CEP57: variants seen among roughly 807,000 people sequenced by gnomAD.
The protein encoded by CEP57 is centrosomal protein 57.
A neutral mutation model predicts 68.0 loss-of-function variants in CEP57; 40 were observed. The observed-to-expected ratio is 0.59, with a 90% CI of 0.46 to 0.77. The LOEUF (loss-of-function observed/expected upper bound fraction) is 0.77. Ranked by LOEUF, CEP57 falls within the 30% of genes least tolerant of loss-of-function variation. CEP57 has a pLI of 0.00. For synonymous variants in CEP57, 219 were observed against 198.7 expected (o/e 1.10, Z -0.86); for missense variants, 606 against 580.7 (o/e 1.04, Z -0.45).
chr11:95,807,528 C>T (rs1375376315), intron 2 of CEP57, among the ~76,000 whole-genome samples: 2 of 152,142 alleles, frequency 1.3e-5, no homozygotes, highest in Non-Finnish European at 2.9e-5. Context: ...CCTTAAATGA[C>T]CTGATGGAGC....
At chr11:95,818,078 TTGG>T (rs970374218) in intron 5 of CEP57, 175 bp downstream of exon 5, 20 of 593,178 alleles carry the variant, frequency 3.4e-5, no homozygotes, top group Non-Finnish European at 4.8e-5. Context: ...TTTTACAATC[TTGG>T]TGGGCATTTT....
chr11:95,810,301 T>C (rs1861998524), intron 2 of CEP57, among the ~76,000 whole-genome samples: 2 of 152,336 alleles, frequency 1.3e-5, no homozygotes, highest in African/African-American at 2.4e-5. Context: ...AAGACAGGGA[T>C]GCCGTCTCTC....
intron 8 of CEP57, among the ~76,000 whole-genome samples, chr11:95,824,760 T>C (rs1862667926): frequency 6.6e-6 from 1 of 152,220 alleles, no homozygotes; most frequent in African/African-American, 2.4e-5. Flanking sequence ...CTAAATCTAC[T>C]ATTTTGTGAA....
chr11:95,803,072 C>T (rs1360846512), intron 2 of CEP57, among the ~76,000 whole-genome samples: 2 of 152,004 alleles, frequency 1.3e-5, no homozygotes, highest in African/African-American at 4.8e-5. Context: ...AGAAGTAAGT[C>T]TAAACTGAAG....
At chr11:95,823,769 G>A (rs1338591239) in intron 8 of CEP57, among the ~76,000 whole-genome samples, 2 of 152,192 alleles carry the variant, frequency 1.3e-5, no homozygotes, top group East Asian at 1.9e-4. Context: ...AAAATGCCAC[G>A]TGACGCTAAT....
At position 95,813,348 on chromosome 11, in the gene CEP57, C is replaced by T. The variant is rs193023002; in HGVS notation, c.383-120C>T. On this transcript the variant is annotated intron_variant, in intron 3 of 10. Transcript: ENST00000325542. The stretch of plus-strand genomic sequence containing the variant: ...GAATGATTTAGGTAATCTGAAAAGG[C>T]GTCCAGGTCTGTGGAAGGTGTTTTT... 1.2e-3 allele frequency: 1,444 copies of T among 1,228,340 alleles called. 1 individual carries two copies. Among genetic ancestry groups the T allele is most frequent in the Non-Finnish European group, 1.4e-3 (1,226 of 875,274 alleles). 76.1% of individuals were successfully genotyped at this position (1,228,340 alleles called of 1,614,324 possible).
chr11:95,799,114 CAG>C, intron 1 of CEP57, 116 bp from the exon 2 acceptor site: 3 of 936,576 alleles, frequency 3.2e-6, no homozygotes, highest in Non-Finnish European at 5.1e-6. Context: ...TGTTTCTAGT[CAG>C]TGGATTTTTT....
chr11:95,805,556 A>G (rs534225748), intron 2 of CEP57, among the ~76,000 whole-genome samples: 2 of 152,364 alleles, frequency 1.3e-5, no homozygotes, highest in East Asian at 3.9e-4. Context: ...GGACAAGAAT[A>G]CTTTGGGTTG....
intron 8 of CEP57, among the ~76,000 whole-genome samples, chr11:95,823,963 C>T (rs183672073): frequency 1.3e-5 from 2 of 150,836 alleles, no homozygotes; most frequent in Admixed American, 6.6e-5. Flanking sequence ...AGACAAAAGT[C>T]ATGACATGAC....
chr11:95,802,703 T>G (rs765685302), intron 2 of CEP57, among the ~76,000 whole-genome samples: 8 of 152,196 alleles, frequency 5.3e-5, no homozygotes, highest in Non-Finnish European at 1.2e-4. Context: ...TACCCAACAT[T>G]GCTTTTGCAT....
At chr11:95,811,679 T>C (rs554736637) in intron 2 of CEP57, among the ~76,000 whole-genome samples, 108 of 149,932 alleles carry the variant, frequency 7.2e-4, no homozygotes, top group Admixed American at 1.3e-3. Flanking sequence ...GATAATAAAA[T>C]GAAGAAAACT....
rs113246058 is a variant in CEP57, at chr11:95,817,223, C to T, written c.505-564C>T. Among the ~76,000 whole-genome samples, 806 of 148,526 alleles carry T rather than the reference C, an allele frequency of 5.4e-3. 6 individuals are homozygous for T. The highest frequency in any genetic ancestry group is 8.4e-3 in the Non-Finnish European group (558 of 66,814). On this transcript the variant is annotated intron_variant, in intron 4 of 10. Transcript: ENST00000325542. ...ACTACTAAAAATACAAAAAATTAGCCGGGCGTGGTGGCGGGCGCCTATAGT... is the reference window on the plus strand; with the variant it reads ...ACTACTAAAAATACAAAAAATTAGCTGGGCGTGGTGGCGGGCGCCTATAGT...
chr11:95,799,867 A>G (rs949247834), intron 2 of CEP57, among the ~76,000 whole-genome samples: 1 of 152,154 alleles, frequency 6.6e-6, no homozygotes, highest in African/African-American at 2.4e-5. Flanking sequence ...AAGCTTTAGC[A>G]TCTCTTCATA....
Position 95,827,861 on chromosome 11 carries a change from T to A in CEP57, c.961T>A (p.Leu321Met), listed in dbSNP as rs1421846585. The A allele has an allele frequency of 6.2e-7, 1 of 1,613,980 alleles. No individual in the cohort carries two copies. Among genetic ancestry groups the A allele is most frequent in the Non-Finnish European group, 8.5e-7 (1 of 1,180,012 alleles). Residue 321 changes from leucine to methionine, a missense_variant, in exon 9 of 11, where the codon TTG becomes ATG. Transcript: ENST00000325542. The stretch of plus-strand genomic sequence containing the variant: ...TCTAATGAAGCAACACAGTAAAGCT[T>A]TGTGCAATGATCGAGTCATCAACAG... ...LHLMKQHSKA[L>M]CNDRVINSIP...
chr11:95,796,646 TC>T (rs1391669254), intron 1 of CEP57, among the ~76,000 whole-genome samples: 1 of 152,240 alleles, frequency 6.6e-6, no homozygotes, highest in Non-Finnish European at 1.5e-5. Context: ...CAGCAAAAAT[TC>T]TACACCAACT....
Position 95,831,170 on chromosome 11 carries a change from A to G in CEP57, c.1417A>G (p.Lys473Glu), listed in dbSNP as rs1254942894. 1 of 1,613,570 alleles carries G rather than the reference A, an allele frequency of 6.2e-7. No homozygotes were observed. ...KDFMKLRPGE[K>E]RRKNLQLLKD... is the part of the protein sequence containing the mutation. ...TTTTATGAAACTGAGACCTGGAGAA[A>G]AAAGGAGAAAAAATCTTCAGTTATT... Residue 473 changes from lysine (K) to glutamate (E), a missense_variant, in exon 11 of 11, where the codon AAA (lysine) becomes GAA (glutamate). Lys to Glu is a moderately conservative substitution (Grantham distance 56). Transcript: ENST00000325542.
chr11:95,799,595 C>A (rs564786979), intron 2 of CEP57, among the ~76,000 whole-genome samples: 1 of 152,282 alleles, frequency 6.6e-6, no homozygotes, highest in South Asian at 2.1e-4. Flanking sequence ...TGCTAAAACA[C>A]TTTGAGTCAT....
chr11:95,830,557 CT>C (rs1160364763), intron 10 of CEP57, among the ~76,000 whole-genome samples: 1 of 152,116 alleles, frequency 6.6e-6, no homozygotes, highest in Non-Finnish European at 1.5e-5. Flanking sequence ...CCAATTACAT[CT>C]GTTCATCCAT....
chr11:95,796,993 C>G (rs1861376635), intron 1 of CEP57, among the ~76,000 whole-genome samples: 1 of 152,272 alleles, frequency 6.6e-6, no homozygotes, highest in South Asian at 2.1e-4. Context: ...GTTCAACAAT[C>G]TAGAAGCTCC....
Sources: gnomAD v4.1 joint callset for allele counts (sites outside exome capture counted in the v4.1 genomes callset) on GRCh38, gnomAD v4.1.1 for gene constraint, MANE v1.5 for transcripts, NCBI Gene and HGNC (gene_info 2026-07-23, HGNC 2026-07-21) for gene names.